PHACTR3: variants seen among roughly 807,000 people sequenced by gnomAD.
PHACTR3 encodes protein phosphatase 1, regulatory subunit 123.
PHACTR3 carries 16 observed loss-of-function variants against 66.8 expected under a neutral mutation model. The observed-to-expected ratio is 0.24, with a 90% CI of 0.16 to 0.36. The LOEUF (loss-of-function observed/expected upper bound fraction) is 0.36, where lower values mean the gene tolerates loss of function less well. Ranked by LOEUF, PHACTR3 falls within the 10% of genes least tolerant of loss-of-function variation. The pLI is 1.00. For synonymous variants in PHACTR3, 323 were observed against 292.1 expected (o/e 1.11, Z -1.08); for missense variants, 647 against 719.9 (o/e 0.90, Z 1.16).
chr20:59,804,202 T>C (rs964980321), intron 7 of PHACTR3, among the ~76,000 whole-genome samples: 2 of 152,216 alleles, frequency 1.3e-5, no homozygotes, highest in Admixed American at 1.3e-4. Flanking sequence ...CTTGCTGTGT[T>C]CATAGAGGCC....
chr20:59,743,287 G>A lies in PHACTR3; in HGVS notation c.280+19G>A. ...ACGTCAGGTAAAGGCCTGGTGACAG[G>A]CGCGGGCAGGCTGTGGCTGGGACCA... On this transcript the variant is annotated intron_variant, in intron 2 of 12. Transcript: ENST00000371015. The A allele has an allele frequency of 6.2e-7, 1 of 1,612,798 alleles. No homozygotes were observed.
chr20:59,710,232 C>G (rs1193059864), intron 1 of PHACTR3, among the ~76,000 whole-genome samples: 1 of 152,152 alleles, frequency 6.6e-6, no homozygotes. Flanking sequence ...GTATTATAAA[C>G]AAGAATGGAA....
rs192168581 is a variant in PHACTR3 at position 59,606,581 on chromosome 20, C to T, written c.118+1449C>T. On this transcript the variant is annotated intron_variant, in intron 1 of 12. Transcript: ENST00000371015. ...ATTGCCTTTCTCTGGGTTGGAGAGG[C>T]GCATCCACAACTGTTCCAATCATGG... Among the ~76,000 whole-genome samples the T allele has an allele frequency of 2.9e-3, 449 of 152,286 alleles. 4 individuals are homozygous for T. The highest frequency in any genetic ancestry group is 3.4e-3 in the Middle Eastern group (1 of 294).
At chr20:59,753,153 A>T (rs983938704) in intron 3 of PHACTR3, among the ~76,000 whole-genome samples, 3 of 131,368 alleles carry the variant, frequency 2.3e-5, no homozygotes, top group Non-Finnish European at 4.6e-5. Flanking sequence ...CATAAAAATT[A>T]AAAAAAAAAA....
chr20:59,610,664 C>A (rs1267584932), intron 1 of PHACTR3, among the ~76,000 whole-genome samples: 1 of 152,232 alleles, frequency 6.6e-6, no homozygotes, highest in East Asian at 1.9e-4. Context: ...CTGGATAGTG[C>A]AGATCTAGAA....
intron 7 of PHACTR3, among the ~76,000 whole-genome samples, chr20:59,775,949 A>C (rs974251840): frequency 3.9e-5 from 6 of 152,168 alleles, no homozygotes; most frequent in Non-Finnish European, 8.8e-5. Context: ...TGGCCTCTCC[A>C]CACTGGATTC....
At chr20:59,590,838 G>C (rs559773149) in intron 1 of PHACTR3, among the ~76,000 whole-genome samples, 1 of 152,200 alleles carries the variant, frequency 6.6e-6, no homozygotes, top group South Asian at 2.1e-4. Flanking sequence ...CAAGCAAAAG[G>C]TGTGCACAGG....
intron 1 of PHACTR3, among the ~76,000 whole-genome samples, chr20:59,635,101 CTCTTTCTT>C (rs1357018312): frequency 0.042 from 3,898 of 92,780 alleles, 214 homozygotes; most frequent in Middle Eastern, 0.071. Context: ...TTCTTTCTCT[CTCTTTCTT>C]TCTTTCTTTC....
At chr20:59,756,278 A>G (rs1024779445) in intron 4 of PHACTR3, among the ~76,000 whole-genome samples, 1 of 152,160 alleles carries the variant, frequency 6.6e-6, no homozygotes, top group Non-Finnish European at 1.5e-5. Context: ...TCAAGCTATA[A>G]GCGAGTCTCA....
At chr20:59,584,346 T>C (rs944634232) in intron 1 of PHACTR3, among the ~76,000 whole-genome samples, 2 of 149,996 alleles carry the variant, frequency 1.3e-5, no homozygotes, top group African/African-American at 4.9e-5. Context: ...TGAGTGCATG[T>C]GCCTGTGTGT....
At chr20:59,641,296 C>G (rs2035095663) in intron 1 of PHACTR3, among the ~76,000 whole-genome samples, 2 of 152,074 alleles carry the variant, frequency 1.3e-5, no homozygotes, top group African/African-American at 4.8e-5. Context: ...GTCTATCTGT[C>G]TATCTAGATG....
intron 2 of PHACTR3, 101 bp downstream of exon 2, chr20:59,743,369 C>T: frequency 7.1e-7 from 1 of 1,399,534 alleles, no homozygotes; most frequent in Non-Finnish European, 9.8e-7. Flanking sequence ...GGCCCCTACA[C>T]AGGAGGGGCA....
chr20:59,632,874 T>C (rs1257575849), intron 1 of PHACTR3, among the ~76,000 whole-genome samples: 4 of 152,246 alleles, frequency 2.6e-5, no homozygotes, highest in Admixed American at 6.5e-5. Context: ...CTTTGGGGAT[T>C]CTGCCTCACT....
intron 1 of PHACTR3, among the ~76,000 whole-genome samples, chr20:59,741,061 A>C (rs2146759027): frequency 6.6e-6 from 1 of 152,292 alleles, no homozygotes; most frequent in South Asian, 2.1e-4. Context: ...CTTCCCCTCG[A>C]ACACTGGTGG....
At chr20:59,635,423 G>A (rs1463069565) in intron 1 of PHACTR3, among the ~76,000 whole-genome samples, 1 of 151,074 alleles carries the variant, frequency 6.6e-6, no homozygotes, top group Non-Finnish European at 1.5e-5. Context: ...TATTAGAGAC[G>A]GGGTTTCACC....
intron 11 of PHACTR3, 144 bp from the exon 12 acceptor site, chr20:59,845,044 TG>T (rs2145535725): frequency 7.2e-6 from 4 of 552,800 alleles, no homozygotes; most frequent in Non-Finnish European, 1.3e-5. Context: ...GCAGTTTTAA[TG>T]ATGAACCAAA....
intron 1 of PHACTR3, among the ~76,000 whole-genome samples, chr20:59,683,812 C>T (rs773142856): frequency 6.6e-6 from 1 of 152,170 alleles, no homozygotes; most frequent in Non-Finnish European, 1.5e-5. Flanking sequence ...CCTGGGTCCA[C>T]GAATCCCTTA....
chr20:59,642,222 C>A (rs1166342854), intron 1 of PHACTR3, among the ~76,000 whole-genome samples: 2 of 152,164 alleles, frequency 1.3e-5, no homozygotes, highest in African/African-American at 4.8e-5. Flanking sequence ...CCAGCTTACC[C>A]TTCCTCTAGT....
chr20:59,811,968 A>G (rs895925044), intron 8 of PHACTR3, among the ~76,000 whole-genome samples: 21 of 152,104 alleles, frequency 1.4e-4, no homozygotes, highest in Admixed American at 2.6e-4. Flanking sequence ...TGCTGGGGCC[A>G]GAGCTGCTGC....
Sources: gnomAD v4.1 joint callset for allele counts (sites outside exome capture counted in the v4.1 genomes callset) on GRCh38, gnomAD v4.1.1 for gene constraint, MANE v1.5 for transcripts, NCBI Gene and HGNC (gene_info 2026-07-23, HGNC 2026-07-21) for gene names.